Variants in SNX19 observed in about 807,000 individuals in gnomAD.
The protein encoded by SNX19 is sorting nexin-19.
Under a neutral mutation model 85.2 loss-of-function variants are expected in SNX19, and 60 were observed. The ratio of observed to expected loss-of-function variants is 0.70; its 90% CI spans 0.57 to 0.87. The LOEUF is 0.87. Ranked by LOEUF, SNX19 falls within the 40% of genes least tolerant of loss-of-function variation. The pLI, the probability that SNX19 is intolerant of heterozygous loss-of-function variation, is 0.00. For missense variants in SNX19, 1,201 were observed against 1,217.8 expected (o/e 0.99, Z 0.21); for synonymous variants, 520 against 470.0 (o/e 1.11, Z -1.38).
In SNX19 at chr11:130,914,968, G is replaced by A. The variant is rs776237469; in HGVS notation, c.972C>T (p.Gly324=). 6.2e-7 allele frequency: 1 copy of A among 1,614,130 alleles called. No individual in the cohort carries two copies. Among genetic ancestry groups the A allele is most frequent in the South Asian group, 1.1e-5 (1 of 91,078 alleles). The change falls in exon 1 of 11, where the codon GGC becomes GGT. Residue 324 remains glycine, a synonymous_variant. Transcript: ENST00000265909. Reference sequence around the variant, plus strand: ...GGCCTTCTTCAACCTCTGGAGAGGGGCCTGCAGAACCCTCTGGCTCACTGT... The same window carrying A: ...GGCCTTCTTCAACCTCTGGAGAGGGACCTGCAGAACCCTCTGGCTCACTGT... ...LSYSEPEGSA[G]PSPEVEEGHE...
intron 8 of SNX19, among the ~76,000 whole-genome samples, chr11:130,881,940 G>C (rs540633271): frequency 2.0e-5 from 3 of 152,312 alleles, no homozygotes; most frequent in Admixed American, 2.0e-4. Flanking sequence ...CGCCGTGCTT[G>C]GTGCTCAAGA....
rs10894273 is a variant in SNX19 at position 130,872,260 on chromosome 11, G to A, written c.*6162C>T. On this transcript the variant is annotated 3_prime_UTR_variant, in exon 11 of 11. Coordinates refer to ENST00000265909, the MANE Select transcript of SNX19 (RefSeq NM_014758.3). ...GACCAGAGACAGGTGAGGATGACAGGGAGGCAGTGCAAAGGCTCCGCAAGT... is the reference window on the plus strand; with the variant it reads ...GACCAGAGACAGGTGAGGATGACAGAGAGGCAGTGCAAAGGCTCCGCAAGT... 3.3e-5 allele frequency among the ~76,000 whole-genome samples: 5 copies of A among 151,862 alleles called. No homozygotes were observed. Among genetic ancestry groups the A allele is most frequent in the Non-Finnish European group, 1.5e-5 (1 of 67,950 alleles).
chr11:130,896,392 A>G (rs1944879850), intron 8 of SNX19, among the ~76,000 whole-genome samples: 1 of 152,252 alleles, frequency 6.6e-6, no homozygotes, highest in African/African-American at 2.4e-5. Flanking sequence ...TGCTTTAAAA[A>G]TAAAATCAGA....
intron 8 of SNX19, among the ~76,000 whole-genome samples, chr11:130,883,630 CT>C (rs1943846281): frequency 6.6e-6 from 1 of 152,230 alleles, no homozygotes. Flanking sequence ...CATTTGCTCT[CT>C]TTCCTGGATT....
Position 130,871,381 on chromosome 11 carries a change from G to A in SNX19, c.*7041C>T, listed in dbSNP as rs1462239374. On this transcript the variant is annotated 3_prime_UTR_variant, in exon 11 of 11. Coordinates refer to ENST00000265909, the MANE Select transcript of SNX19 (RefSeq NM_014758.3). Reference sequence around the variant, plus strand: ...AACTGCATAAAGTGGCAAGGAACTGGCCTGCCGTCAGCTCACTGAATTTGG... The same window carrying A: ...AACTGCATAAAGTGGCAAGGAACTGACCTGCCGTCAGCTCACTGAATTTGG... Among the ~76,000 whole-genome samples, 1 of 152,184 alleles carries A rather than the reference G, an allele frequency of 6.6e-6. No homozygotes were observed. Among genetic ancestry groups the A allele is most frequent in the Non-Finnish European group, 1.5e-5 (1 of 68,030 alleles).
In SNX19 at chr11:130,873,000, C is replaced by CA. The variant is rs964041043; in HGVS notation, c.*5421dup. 3.3e-5 allele frequency among the ~76,000 whole-genome samples: 5 copies of CA among 152,190 alleles called. No individual in the cohort carries two copies. The highest frequency in any genetic ancestry group is 9.6e-5 in the African/African-American group (4 of 41,454). ...GCATCTCCAAATGCTCCCTGCCCCT[C>CA]AAACAGCAGAGGAGTGTGATAATCA... On this transcript the variant is annotated 3_prime_UTR_variant, in exon 11 of 11. Transcript: ENST00000265909.
Position 130,907,960 on chromosome 11 carries a change from CCTT to C in SNX19, c.2155_2157del (p.Lys719del). 2 of 1,613,840 alleles carry C rather than the reference CCTT, an allele frequency of 1.2e-6. No homozygotes were observed. The highest frequency in any genetic ancestry group is 1.7e-6 in the Non-Finnish European group (2 of 1,179,964). The stretch of plus-strand genomic sequence containing the variant: ...TAACTGAGGGCTTCTCACTTGCTAG[CCTT>C]CTTGCCTTCTGTCTGGGGCTTGCTT... On this transcript the variant is annotated inframe_deletion, in exon 5 of 11. Coordinates refer to ENST00000265909, the MANE Select transcript of SNX19 (RefSeq NM_014758.3).
intron 8 of SNX19, among the ~76,000 whole-genome samples, chr11:130,892,402 C>T (rs951536933): frequency 6.6e-6 from 1 of 152,010 alleles, no homozygotes. Flanking sequence ...GCCTTTTTCA[C>T]AAAGTTATCA....
intron 8 of SNX19, among the ~76,000 whole-genome samples, chr11:130,883,522 A>T (rs984566573): frequency 6.6e-6 from 1 of 152,242 alleles, no homozygotes; most frequent in African/African-American, 2.4e-5. Context: ...AGTGACTTCT[A>T]GTCCCTGGGA....
chr11:130,900,999 C>T (rs959006987), intron 8 of SNX19, among the ~76,000 whole-genome samples: 2 of 152,154 alleles, frequency 1.3e-5, no homozygotes, highest in African/African-American at 4.8e-5. Flanking sequence ...GCTGGGGAGA[C>T]AAAGCTAGTT....
intron 4 of SNX19, chr11:130,908,350 G>C (rs944391271): frequency 3.7e-6 from 1 of 270,874 alleles, no homozygotes; most frequent in Admixed American, 4.9e-5. Context: ...AATAGTGAGA[G>C]AAATAAAAAC....
Position 130,906,049 on chromosome 11 carries a change from G to A in SNX19, c.2347C>T (p.Pro783Ser), listed in dbSNP as rs1945643597. The change falls in exon 7 of 11, where the codon CCA becomes TCA. Residue 783 changes from proline to serine, a missense_variant. This residue lies in a region of SNX19 where 285 missense variants were observed against 295.3 expected (regional missense o/e 0.97). Transcript: ENST00000265909. ...GGAGGTTGTTCAGGATCTTTTTCTG[G>A]GGCTTTTGTTGGCTGCATTTCCAGT... ...KLLEMQPTKA[P>S]EKDPEQPPKG... 6.2e-7 allele frequency: 1 copy of A among 1,614,110 alleles called. No individual in the cohort carries two copies. The highest frequency in any genetic ancestry group is 2.2e-5 in the East Asian group (1 of 44,870).
rs769569139 is a variant in SNX19 at position 130,874,198 on chromosome 11, ATT to A, written c.*4222_*4223del. 4.0e-5 allele frequency among the ~76,000 whole-genome samples: 6 copies of A among 151,824 alleles called. No individual in the cohort carries two copies. The highest frequency in any genetic ancestry group is 8.8e-5 in the Non-Finnish European group (6 of 67,968). Reference sequence around the variant, plus strand: ...CCACCATGCCCCGCTCATTTTTTATATTTTTTGTAGAGACAGGGTCTTGCTAT... The same window carrying A: ...CCACCATGCCCCGCTCATTTTTTATATTTTGTAGAGACAGGGTCTTGCTAT... On this transcript the variant is annotated 3_prime_UTR_variant, in exon 11 of 11. Coordinates refer to ENST00000265909, the MANE Select transcript of SNX19 (RefSeq NM_014758.3).
At position 130,915,007 on chromosome 11, in the gene SNX19, T is replaced by G. The variant is rs1946438803; in HGVS notation, c.933A>C (p.Pro311=). 4 of 1,614,050 alleles carry G rather than the reference T, an allele frequency of 2.5e-6. No homozygotes were observed. Among genetic ancestry groups the G allele is most frequent in the Non-Finnish European group, 3.4e-6 (4 of 1,180,038 alleles). The stretch of plus-strand genomic sequence containing the variant: ...CTGGCTCACTGTAACTTAGGAATAC[T>G]GGGGCTGCTACTGGAGAAGCTCTCC... ...PEGRASPVAA[P]VFLSYSEPEG... The change falls in exon 1 of 11, where the codon CCA becomes CCC. Residue 311 remains proline (P), a synonymous_variant. Transcript: ENST00000265909.
Position 130,878,364 on chromosome 11 carries a change from T to C in SNX19, c.*58A>G. The C allele has an allele frequency of 6.3e-7, 1 of 1,580,380 alleles. No homozygotes were observed. Among genetic ancestry groups the C allele is most frequent in the South Asian group, 1.2e-5 (1 of 86,356 alleles). On this transcript the variant is annotated 3_prime_UTR_variant, in exon 11 of 11. Transcript: ENST00000265909. The stretch of plus-strand genomic sequence containing the variant: ...AAGAGGGCACGGGCTTCCTGACTGG[T>C]CTCTGGTGGCCGAGTAACTCTACTT...
At position 130,914,996 on chromosome 11, in the gene SNX19, C is replaced by T; in HGVS notation, c.944G>A (p.Ser315Asn). 6.2e-7 allele frequency: 1 copy of T among 1,614,182 alleles called. No homozygotes were observed. Among genetic ancestry groups the T allele is most frequent in the Non-Finnish European group, 8.5e-7 (1 of 1,180,018 alleles). Residue 315 changes from serine (S) to asparagine (N), a missense_variant, in exon 1 of 11, where the codon AGT (serine) becomes AAT (asparagine). By Grantham distance (46) the Ser-to-Asn change is conservative. Around this residue, in one of 3 missense-constraint regions of SNX19, gnomAD observed 791 missense variants for 750.9 expected, o/e 1.05. Transcript: ENST00000265909. ...TGCAGAACCCTCTGGCTCACTGTAA[C>T]TTAGGAATACTGGGGCTGCTACTGG... ...ASPVAAPVFL[S>N]YSEPEGSAGP... is the part of the protein sequence containing the mutation.
intron 8 of SNX19, among the ~76,000 whole-genome samples, chr11:130,902,054 G>A (rs539700813): frequency 8.5e-5 from 13 of 152,294 alleles, no homozygotes; most frequent in African/African-American, 1.9e-4. Flanking sequence ...TCAGTCTTAA[G>A]GCTACAAGAT....
rs370399219 is a variant in SNX19 at position 130,895,790 on chromosome 11, T to C, written c.2573+7465A>G. The stretch of plus-strand genomic sequence containing the variant: ...CATCCACCTGCTACAATCTCAAAGA[T>C]ATATTCCAGTAGAGACTGTCACTAT... On this transcript the variant is annotated intron_variant, in intron 8 of 10. Transcript: ENST00000265909. 8.5e-5 allele frequency among the ~76,000 whole-genome samples: 13 copies of C among 152,348 alleles called. No homozygotes were observed. The East Asian group carries it at 2.3e-3, about 27-fold the overall frequency.
chr11:130,891,364 C>CT (rs1301031342), intron 8 of SNX19, among the ~76,000 whole-genome samples: 3 of 95,164 alleles, frequency 3.2e-5, no homozygotes, highest in African/African-American at 9.8e-5. Context: ...CTATGCATTC[C>CT]TCTGGAAGGG....
Sources: gnomAD v4.1 joint callset for allele counts (sites outside exome capture counted in the v4.1 genomes callset) on GRCh38, gnomAD v4.1.1 for gene constraint, gnomAD v4.1.1 regional missense constraint, MANE v1.5 for transcripts, NCBI Gene and HGNC (gene_info 2026-07-23, HGNC 2026-07-21) for gene names.